Variants in KLHL7 observed in about 807,000 individuals in gnomAD.
KLHL7 encodes kelch like family member 7.
A neutral mutation model predicts 67.4 loss-of-function variants in KLHL7; 44 were observed. That is an observed-to-expected ratio of 0.65 (90% CI 0.51 to 0.84). The LOEUF is 0.84. Ranked by LOEUF, KLHL7 falls within the 40% of genes least tolerant of loss-of-function variation. The pLI is 0.00. For synonymous variants in KLHL7, 252 were observed against 243.3 expected, an observed-to-expected ratio of 1.04 and a Z score of -0.33; for missense variants, 362 against 718.1, an observed-to-expected ratio of 0.50 and a Z score of 5.67.
chr7:23,141,153 T>C (rs1483235339), intron 5 of KLHL7, among the ~76,000 whole-genome samples: 1 of 152,168 alleles, frequency 6.6e-6, no homozygotes, highest in Non-Finnish European at 1.5e-5. Flanking sequence ...TTGGGTACCA[T>C]GGTAGGCAGA....
intron 8 of KLHL7, among the ~76,000 whole-genome samples, chr7:23,166,774 A>C (rs1486236621): frequency 6.6e-6 from 1 of 152,168 alleles, no homozygotes; most frequent in Non-Finnish European, 1.5e-5. Context: ...TAAATCCTAA[A>C]GATGATAGAC....
chr7:23,148,912 C>G (rs1784445736), intron 6 of KLHL7, among the ~76,000 whole-genome samples: 1 of 152,112 alleles, frequency 6.6e-6, no homozygotes, highest in Non-Finnish European at 1.5e-5. Flanking sequence ...CTTGACTAAG[C>G]ACAAGCAGCT....
chr7:23,165,149 A>C (rs531932153), intron 7 of KLHL7, among the ~76,000 whole-genome samples: 2 of 152,226 alleles, frequency 1.3e-5, no homozygotes, highest in Non-Finnish European at 2.9e-5. Context: ...TTCCTTATAA[A>C]CATCAACAGT....
At chr7:23,108,023 G>A (rs773842866) in intron 1 of KLHL7, among the ~76,000 whole-genome samples, 3 of 152,214 alleles carry the variant, frequency 2.0e-5, no homozygotes, top group Non-Finnish European at 4.4e-5. Flanking sequence ...GAGTAGGAAT[G>A]TTTGAGTGAG....
intron 5 of KLHL7, 34 bp from the exon 6 acceptor site, chr7:23,143,817 C>T (rs762623096): frequency 9.3e-6 from 15 of 1,607,900 alleles, no homozygotes; most frequent in Non-Finnish European, 3.4e-6. Flanking sequence ...TTGCTGTCTT[C>T]TAAGAACTTT....
At chr7:23,124,288 A>T (rs1583656987) in intron 2 of KLHL7, among the ~76,000 whole-genome samples, 1 of 146,858 alleles carries the variant, frequency 6.8e-6, no homozygotes, top group Non-Finnish European at 1.5e-5. Context: ...ATAATATTTT[A>T]GCCGGCAAGT....
chr7:23,110,143 T>C (rs1249691644), intron 1 of KLHL7, among the ~76,000 whole-genome samples: 2 of 152,212 alleles, frequency 1.3e-5, no homozygotes, highest in African/African-American at 4.8e-5. Context: ...GTTTTACTAT[T>C]TTCCTCCAAT....
chr7:23,115,160 G>C (rs1783033857), intron 1 of KLHL7, among the ~76,000 whole-genome samples: 1 of 152,140 alleles, frequency 6.6e-6, no homozygotes, highest in Non-Finnish European at 1.5e-5. Context: ...AGCTGAATTT[G>C]TCCAATTTCA....
At chr7:23,108,955 T>C (rs1257881468) in intron 1 of KLHL7, among the ~76,000 whole-genome samples, 2 of 152,238 alleles carry the variant, frequency 1.3e-5, no homozygotes, top group African/African-American at 4.8e-5. Context: ...TATTTCTAGT[T>C]TGGAACTATT....
At chr7:23,125,194 T>C in intron 4 of KLHL7, 22 bp downstream of exon 4, 2 of 1,610,734 alleles carry the variant, frequency 1.2e-6, no homozygotes, top group South Asian at 2.2e-5. Context: ...CAGATTCCTG[T>C]TGTGTGTTTA....
intron 7 of KLHL7, among the ~76,000 whole-genome samples, chr7:23,162,288 T>G (rs1436041515): frequency 1.3e-5 from 2 of 152,252 alleles, no homozygotes; most frequent in Non-Finnish European, 2.9e-5. Context: ...AGTTTTCTTA[T>G]CTGTAAATGA....
intron 9 of KLHL7, chr7:23,171,231 AC>A (rs746083407): frequency 3.4e-4 from 100 of 295,552 alleles, no homozygotes; most frequent in Non-Finnish European, 5.9e-4. Flanking sequence ...GATAGCGGGG[AC>A]CTAGTATGTA....
intron 4 of KLHL7, among the ~76,000 whole-genome samples, chr7:23,138,839 T>C (rs1784079556): frequency 6.6e-6 from 1 of 152,118 alleles, no homozygotes. Context: ...AAGATGTATT[T>C]CTAATTAGTG....
chr7:23,171,920 A>T (rs1014072223), intron 9 of KLHL7, among the ~76,000 whole-genome samples: 1 of 152,238 alleles, frequency 6.6e-6, no homozygotes, highest in Non-Finnish European at 1.5e-5. Flanking sequence ...CGTGTTAGCC[A>T]GGATGGTCTC....
intron 7 of KLHL7, among the ~76,000 whole-genome samples, chr7:23,160,376 G>T (rs957523551): frequency 6.6e-6 from 1 of 152,190 alleles, no homozygotes; most frequent in African/African-American, 2.4e-5. Flanking sequence ...TTTATTTAAT[G>T]ATTGAGTTTC....
chr7:23,106,345 C>G lies in KLHL7; in HGVS notation c.120+199C>G, dbSNP rs189221276. The G allele has an allele frequency of 1.3e-4, 181 of 1,424,958 alleles. 1 individual carries two copies. Among genetic ancestry groups the G allele is most frequent in the South Asian group, 9.3e-4 (65 of 69,792 alleles). The allele number at this position is 1,424,958 out of a possible 1,614,324, so 88.3% of individuals were successfully genotyped here. On this transcript the variant is annotated intron_variant, in intron 1 of 10. Coordinates refer to ENST00000339077, the MANE Select transcript of KLHL7 (RefSeq NM_001031710.3). ...ACAATTCTCGAGCAAAAGTGCTTCT[C>G]GTCTGCCGAGGATGTAGCTCCCAAG...
At position 23,175,324 on chromosome 7, in the gene KLHL7, T is replaced by C. The variant is rs760505756; in HGVS notation, c.*1026T>C. ...ACCCAACTACTCATTTCCTTCCTAGTAATACTTTGCCTTTTTCACTGTGTA... is the reference window on the plus strand; with the variant it reads ...ACCCAACTACTCATTTCCTTCCTAGCAATACTTTGCCTTTTTCACTGTGTA... On this transcript the variant is annotated 3_prime_UTR_variant, in exon 11 of 11. Coordinates refer to ENST00000339077, the MANE Select transcript of KLHL7 (RefSeq NM_001031710.3). 2.2e-6 allele frequency: 1 copy of C among 453,970 alleles called. No homozygotes were observed. Among genetic ancestry groups the C allele is most frequent in the Non-Finnish European group, 4.4e-6 (1 of 226,784 alleles). 28.1% of individuals were successfully genotyped at this position (453,970 alleles called of 1,614,324 possible).
rs369975121 is a variant in KLHL7, at chr7:23,165,696, A to G, written c.937-2A>G. 1.9e-6 allele frequency: 3 copies of G among 1,613,996 alleles called. No individual in the cohort carries two copies. Among genetic ancestry groups the G allele is most frequent in the Non-Finnish European group, 1.7e-6 (2 of 1,179,970 alleles). On this transcript the variant is annotated splice_acceptor_variant, in intron 7 of 10. Coordinates refer to ENST00000339077, the MANE Select transcript of KLHL7 (RefSeq NM_001031710.3). LOFTEE classifies it high-confidence loss of function. ...AAAGCTTCCCATCCTTTTCTGCTACAGGATTATAGCTGGACAGACATCCGC... is the reference window on the plus strand; with the variant it reads ...AAAGCTTCCCATCCTTTTCTGCTACGGGATTATAGCTGGACAGACATCCGC...
chr7:23,172,876 T>C, intron 9 of KLHL7, 72 bp from the exon 10 acceptor site: 1 of 1,066,632 alleles, frequency 9.4e-7, no homozygotes, highest in Admixed American at 1.7e-5. Flanking sequence ...ATTAGAATAA[T>C]AGACCTTTCT....
Sources: allele counts gnomAD v4.1 joint callset (sites outside exome capture counted in the v4.1 genomes callset), GRCh38; gene constraint gnomAD v4.1.1; transcripts MANE v1.5; gene names NCBI Gene and HGNC (gene_info 2026-07-23, HGNC 2026-07-21).